Variants in MAP3K7 observed in about 807,000 individuals in gnomAD.
MAP3K7 encodes the protein TGF-beta activated kinase 1.
MAP3K7 carries 21 observed loss-of-function variants against 84.8 expected under a neutral mutation model. That is an observed-to-expected ratio of 0.25 (90% CI 0.18 to 0.36). The LOEUF (loss-of-function observed/expected upper bound fraction) is 0.36, where lower values mean the gene tolerates loss of function less well. Among genes scored for constraint, MAP3K7 ranks in the 10% least tolerant of loss-of-function variants. The pLI, the probability that MAP3K7 is intolerant of heterozygous loss-of-function variation, is 1.00. For synonymous variants in MAP3K7, 241 were observed against 247.7 expected (o/e 0.97, Z 0.25); for missense variants, 503 against 747.7 (o/e 0.67, Z 3.82).
intron 13 of MAP3K7, among the ~76,000 whole-genome samples, chr6:90,527,505 G>A (rs538746105): frequency 1.1e-4 from 16 of 152,186 alleles, no homozygotes; most frequent in East Asian, 9.7e-4. Context: ...GGGCTCAAGC[G>A]ATCCTCCTGC....
intron 2 of MAP3K7, among the ~76,000 whole-genome samples, chr6:90,569,173 G>C (rs1776816989): frequency 6.6e-6 from 1 of 152,200 alleles, no homozygotes; most frequent in Non-Finnish European, 1.5e-5. Context: ...TCAAGTCTCA[G>C]AGAGGGTTGA....
At chr6:90,558,534 G>A (rs1035318408) in intron 5 of MAP3K7, among the ~76,000 whole-genome samples, 1 of 152,032 alleles carries the variant, frequency 6.6e-6, no homozygotes, top group Non-Finnish European at 1.5e-5. Context: ...TCATGGAGAG[G>A]CCTGGAATAA....
intron 1 of MAP3K7, among the ~76,000 whole-genome samples, chr6:90,585,200 TA>T (rs1485678778): frequency 6.6e-6 from 1 of 152,182 alleles, no homozygotes; most frequent in African/African-American, 2.4e-5. Flanking sequence ...ACACAGCTAA[TA>T]AATGGCATAT....
chr6:90,541,404 C>T (rs1294976029), intron 12 of MAP3K7, among the ~76,000 whole-genome samples: 1 of 151,968 alleles, frequency 6.6e-6, no homozygotes, highest in Non-Finnish European at 1.5e-5. Context: ...CTTGGCAGGA[C>T]CTTCTCTACA....
At chr6:90,577,251 A>C (rs1777114839) in intron 1 of MAP3K7, among the ~76,000 whole-genome samples, 1 of 152,202 alleles carries the variant, frequency 6.6e-6, no homozygotes, top group African/African-American at 2.4e-5. Context: ...AAACACCTAG[A>C]CTGGACAACA....
intron 13 of MAP3K7, among the ~76,000 whole-genome samples, chr6:90,524,392 T>C (rs1230538630): frequency 6.6e-6 from 1 of 151,666 alleles, no homozygotes; most frequent in Non-Finnish European, 1.5e-5. Context: ...CCACAACAAA[T>C]CCCCAGCATA....
chr6:90,568,418 T>C (rs1054656504), intron 3 of MAP3K7, 140 bp downstream of exon 3: 40 of 620,920 alleles, frequency 6.4e-5, no homozygotes, highest in Non-Finnish European at 9.4e-5. Flanking sequence ...GTATTGGAGG[T>C]ACCTTTTTAT....
intron 5 of MAP3K7, among the ~76,000 whole-genome samples, chr6:90,559,761 G>T (rs767621910): frequency 1.3e-5 from 2 of 152,112 alleles, no homozygotes; most frequent in Non-Finnish European, 2.9e-5. Context: ...CTGCCCCCAA[G>T]GAATTGTCTA....
At chr6:90,544,404 T>C (rs1295187522) in intron 12 of MAP3K7, 148 bp downstream of exon 12, 3 of 648,432 alleles carry the variant, frequency 4.6e-6, no homozygotes, top group South Asian at 1.8e-5. Context: ...AGAATAAATG[T>C]AGTTTTTCAA....
At chr6:90,580,548 T>C (rs937940054) in intron 1 of MAP3K7, among the ~76,000 whole-genome samples, 1 of 152,200 alleles carries the variant, frequency 6.6e-6, no homozygotes, top group African/African-American at 2.4e-5. Flanking sequence ...CTCAAACTCC[T>C]GGCCTCATAC....
chr6:90,530,689 T>C (rs553251895), intron 13 of MAP3K7, among the ~76,000 whole-genome samples: 69 of 152,290 alleles, frequency 4.5e-4, no homozygotes, highest in African/African-American at 1.6e-3. Flanking sequence ...AATATGTTTG[T>C]ATAAAAAAAC....
Position 90,544,548 on chromosome 6 carries a change from AT to A in MAP3K7, c.1291+3del, listed in dbSNP as rs765275836. ...ATTAGACCAACTCAGGTGGTCTATG[AT>A]ACCTGATATGACGATCTCAGGGACA... On this transcript the variant is annotated splice_donor_region_variant and intron_variant, in intron 12 of 16. Coordinates refer to ENST00000369329, the MANE Select transcript of MAP3K7 (RefSeq NM_145331.3). 4.0e-5 allele frequency: 65 copies of A among 1,611,610 alleles called. No individual in the cohort carries two copies. Among genetic ancestry groups the A allele is most frequent in the South Asian group, 2.9e-4 (26 of 91,034 alleles).
At chr6:90,582,530 A>C (rs1226204286) in intron 1 of MAP3K7, among the ~76,000 whole-genome samples, 3 of 152,176 alleles carry the variant, frequency 2.0e-5, no homozygotes, top group African/African-American at 7.2e-5. Context: ...ATGCTTCTCT[A>C]AGGAAGTGTT....
chr6:90,556,172 A>G (rs959847059), intron 6 of MAP3K7, among the ~76,000 whole-genome samples: 1 of 152,266 alleles, frequency 6.6e-6, no homozygotes. Flanking sequence ...CTGCGAGTAC[A>G]TGAAAGCACT....
chr6:90,557,170 T>TA (rs1179581423), intron 5 of MAP3K7, among the ~76,000 whole-genome samples: 1 of 152,184 alleles, frequency 6.6e-6, no homozygotes, highest in East Asian at 1.9e-4. Context: ...CTATTATAGC[T>TA]AAAATGACCT....
At chr6:90,569,654 T>C (rs1322497420) in intron 2 of MAP3K7, among the ~76,000 whole-genome samples, 1 of 152,114 alleles carries the variant, frequency 6.6e-6, no homozygotes, top group Non-Finnish European at 1.5e-5. Context: ...AATTTTTGTA[T>C]TTTTTGTAGA....
intron 3 of MAP3K7, among the ~76,000 whole-genome samples, chr6:90,567,608 C>T (rs157427): frequency 0.68 from 104,001 of 152,058 alleles, 35,775 homozygotes; most frequent in Middle Eastern, 0.79. Context: ...ACTTTTACAC[C>T]GTTGGTGGGA....
At chr6:90,557,341 T>C (rs1279611319) in intron 5 of MAP3K7, among the ~76,000 whole-genome samples, 1 of 152,182 alleles carries the variant, frequency 6.6e-6, no homozygotes, top group East Asian at 1.9e-4. Context: ...CACCATCACA[T>C]TGTAGTAATA....
At chr6:90,551,882 G>A (rs779848773) in intron 8 of MAP3K7, 167 bp downstream of exon 8, 57 of 665,902 alleles carry the variant, frequency 8.6e-5, no homozygotes, top group African/African-American at 4.3e-4. Context: ...TTTCCCTCTC[G>A]AAATGTTTCC....
Sources: allele counts gnomAD v4.1 joint callset (sites outside exome capture counted in the v4.1 genomes callset), GRCh38; gene constraint gnomAD v4.1.1; transcripts MANE v1.5; gene names NCBI Gene and HGNC (gene_info 2026-07-23, HGNC 2026-07-21).